ASIC2: variants seen among roughly 807,000 people sequenced by gnomAD.
ASIC2 encodes acid-sensing ion channel 2.
A neutral mutation model predicts 57.3 loss-of-function variants in ASIC2; 25 were observed. The ratio of observed to expected loss-of-function variants is 0.44; its 90% confidence interval spans 0.32 to 0.61. The LOEUF is 0.61. Among genes scored for constraint, ASIC2 ranks in the 20% least tolerant of loss-of-function variants. ASIC2 has a pLI of 0.06. For synonymous variants in ASIC2, 319 were observed against 307.5 expected (o/e 1.04, Z -0.39); for missense variants, 641 against 738.1 (o/e 0.87, Z 1.52).
chr17:33,629,906 G>A (rs559135811), intron 1 of ASIC2, among the ~76,000 whole-genome samples: 1 of 152,202 alleles, frequency 6.6e-6, no homozygotes, highest in Non-Finnish European at 1.5e-5. Flanking sequence ...TTTCTCAGCT[G>A]CAGTACCATG....
At chr17:34,055,756 A>G (rs370179523) in intron 1 of ASIC2, among the ~76,000 whole-genome samples, 5 of 152,332 alleles carry the variant, frequency 3.3e-5, no homozygotes, top group African/African-American at 1.2e-4. Flanking sequence ...AATATACAAT[A>G]TGTTTGTCAA....
intron 1 of ASIC2, among the ~76,000 whole-genome samples, chr17:33,889,522 T>G (rs1403362769): frequency 2.6e-5 from 4 of 152,038 alleles, no homozygotes; most frequent in Non-Finnish European, 5.9e-5. Flanking sequence ...AACGTAGGTT[T>G]AATTTAGCCC....
chr17:33,435,213 C>T (rs993760318), intron 1 of ASIC2, among the ~76,000 whole-genome samples: 5 of 152,160 alleles, frequency 3.3e-5, no homozygotes, highest in African/African-American at 1.2e-4. Context: ...TAGCAGTGAA[C>T]ATCCCTGGTA....
At chr17:33,756,604 A>T (rs2142108991) in intron 1 of ASIC2, among the ~76,000 whole-genome samples, 1 of 152,352 alleles carries the variant, frequency 6.6e-6, no homozygotes, top group Admixed American at 6.5e-5. Context: ...TGGACCCAGG[A>T]GATGTTTCTG....
chr17:33,809,523 A>G (rs1205973711), intron 1 of ASIC2, among the ~76,000 whole-genome samples: 1 of 152,224 alleles, frequency 6.6e-6, no homozygotes, highest in African/African-American at 2.4e-5. Context: ...CATGGATATG[A>G]AAATGGAATG....
intron 1 of ASIC2, among the ~76,000 whole-genome samples, chr17:33,184,295 C>A (rs1171278716): frequency 6.6e-6 from 1 of 152,102 alleles, no homozygotes; most frequent in Non-Finnish European, 1.5e-5. Flanking sequence ...TACATAGCCG[C>A]TATAAAAACT....
rs1420835894 is a variant in ASIC2, at chr17:33,292,686, G to T, written c.-571C>A. 7 of 985,508 alleles carry T rather than the reference G, an allele frequency of 7.1e-6. No individual in the cohort carries two copies. The highest frequency in any genetic ancestry group is 8.4e-6 in the Non-Finnish European group (7 of 830,088). The allele number at this position is 985,508 out of a possible 1,614,324, so 61.0% of individuals were successfully genotyped here. ...CCAAGGAACGAGCGCCCCCAGAGGC[G>T]CACCGCGGCTCCTGGCTGGGCGGGC... is the stretch of plus-strand genomic sequence containing the variant. On this transcript the variant is annotated 5_prime_UTR_variant, in exon 1 of 10. Transcript: ENST00000225823.
At chr17:33,357,418 C>T (rs1265516130) in intron 1 of ASIC2, among the ~76,000 whole-genome samples, 1 of 152,198 alleles carries the variant, frequency 6.6e-6, no homozygotes. Flanking sequence ...ACTGGCCAGA[C>T]TTAAATTTGC....
intron 1 of ASIC2, among the ~76,000 whole-genome samples, chr17:34,107,776 C>CATTA (rs2142107075): frequency 6.6e-6 from 1 of 152,148 alleles, no homozygotes; most frequent in East Asian, 1.9e-4. Flanking sequence ...TAATTAGGTT[C>CATTA]ATTTGTCAGT....
chr17:33,213,985 T>C (rs1156605353), intron 1 of ASIC2, among the ~76,000 whole-genome samples: 1 of 152,220 alleles, frequency 6.6e-6, no homozygotes, highest in Non-Finnish European at 1.5e-5. Context: ...GGGCTGAGCC[T>C]ATGTGGCAGG....
At chr17:33,111,440 A>C (rs9916435) in intron 2 of ASIC2, among the ~76,000 whole-genome samples, 127,821 of 152,236 alleles carry the variant, frequency 0.84, 54,468 homozygotes, top group African/African-American at 0.96. Flanking sequence ...GGCACAGGCA[A>C]GGTGCCAGGT....
chr17:33,036,927 G>A (rs2091910704), intron 3 of ASIC2, among the ~76,000 whole-genome samples: 1 of 152,064 alleles, frequency 6.6e-6, no homozygotes, highest in African/African-American at 2.4e-5. Flanking sequence ...CCATTCAAGT[G>A]TTGATATTCT....
At chr17:33,324,177 T>C (rs908375439) in intron 1 of ASIC2, among the ~76,000 whole-genome samples, 20 of 152,194 alleles carry the variant, frequency 1.3e-4, no homozygotes, top group African/African-American at 4.8e-4. Flanking sequence ...TTTGGTGCCC[T>C]TGTGTCATTA....
chr17:33,670,613 C>G (rs1437397789), intron 1 of ASIC2, among the ~76,000 whole-genome samples: 1 of 152,240 alleles, frequency 6.6e-6, no homozygotes, highest in Non-Finnish European at 1.5e-5. Flanking sequence ...TGGAGCTACT[C>G]TTGGACTAGA....
chr17:33,190,856 AC>A (rs1277170762), intron 1 of ASIC2, among the ~76,000 whole-genome samples: 1 of 152,214 alleles, frequency 6.6e-6, no homozygotes, highest in Non-Finnish European at 1.5e-5. Context: ...AGCATTTAGA[AC>A]TTTTGCACAT....
intron 1 of ASIC2, among the ~76,000 whole-genome samples, chr17:33,858,508 C>T (rs575993427): frequency 1.3e-5 from 2 of 152,210 alleles, no homozygotes; most frequent in South Asian, 2.1e-4. Context: ...CTGGGGTTAG[C>T]GGGAGCAGCT....
At chr17:33,065,061 C>T (rs990341738) in intron 3 of ASIC2, among the ~76,000 whole-genome samples, 2 of 151,592 alleles carry the variant, frequency 1.3e-5, no homozygotes, top group Admixed American at 6.6e-5. Context: ...GTCAGGTTCC[C>T]CAGCTGGGAA....
chr17:33,401,829 G>A (rs996007733), intron 1 of ASIC2, among the ~76,000 whole-genome samples: 3 of 152,204 alleles, frequency 2.0e-5, no homozygotes, highest in African/African-American at 7.2e-5. Flanking sequence ...AGAGCAGAGA[G>A]GTGAGGATGG....
intron 1 of ASIC2, among the ~76,000 whole-genome samples, chr17:33,756,104 A>C (rs1031292835): frequency 2.6e-5 from 4 of 152,366 alleles, no homozygotes; most frequent in African/African-American, 9.6e-5. Flanking sequence ...CATGATCTGA[A>C]CAGGCTTGAT....
Sources: allele counts gnomAD v4.1 joint callset (sites outside exome capture counted in the v4.1 genomes callset), GRCh38; gene constraint gnomAD v4.1.1; transcripts MANE v1.5; gene names NCBI Gene and HGNC (gene_info 2026-07-23, HGNC 2026-07-21).